EBF3: variants seen among roughly 807,000 people sequenced by gnomAD.
EBF3 encodes EBF transcription factor 3, also known as transcription factor COE3.
EBF3 carries 18 observed loss-of-function variants against 77.1 expected under a neutral mutation model. The observed-to-expected ratio is 0.23, with a 90% CI of 0.16 to 0.35. EBF3 has a LOEUF of 0.35. Ranked by LOEUF, EBF3 falls within the 10% of genes least tolerant of loss-of-function variation. EBF3 has a pLI of 1.00. For missense variants in EBF3, 558 were observed against 860.0 expected (o/e 0.65, Z 4.39); for synonymous variants, 350 against 343.5 (o/e 1.02, Z -0.21).
At position 129,964,119 on chromosome 10, in the gene EBF3, C is replaced by T; in HGVS notation, c.-351G>A. On this transcript the variant is annotated 5_prime_UTR_variant, in exon 1 of 17. Transcript: ENST00000440978. This position sits in a 1 kb window ranked among gnomAD's most constrained non-coding sequence, Gnocchi z 4.5. ...GCGGCTGCAGGACACTGCGGGATCG[C>T]CCGCTTCTGGCGCGGCCCGCCTGCT... 1 of 985,064 alleles carries T rather than the reference C, an allele frequency of 1.0e-6. No individual in the cohort carries two copies. The allele number at this position is 985,064 out of a possible 1,614,324, so 61.0% of individuals were successfully genotyped here.
At chr10:129,954,697 C>A (rs141168534) in intron 6 of EBF3, among the ~76,000 whole-genome samples, 4 of 152,136 alleles carry the variant, frequency 2.6e-5, no homozygotes, top group African/African-American at 7.2e-5. Context: ...GACAAATATG[C>A]CTTATCTGGT....
At chr10:129,936,862 G>A (rs1194797779) in intron 6 of EBF3, among the ~76,000 whole-genome samples, 1 of 152,180 alleles carries the variant, frequency 6.6e-6, no homozygotes, top group Non-Finnish European at 1.5e-5. Flanking sequence ...CCCCCACAGG[G>A]AACCTCAGAC....
At chr10:129,845,276 T>C (rs1258815189) in intron 11 of EBF3, 1 of 152,204 alleles carries the variant, frequency 6.6e-6, no homozygotes, top group Non-Finnish European at 1.5e-5. Flanking sequence ...GTGAATACAT[T>C]AGCACCGAAT....
intron 6 of EBF3, among the ~76,000 whole-genome samples, chr10:129,945,335 A>G (rs906234968): frequency 6.6e-6 from 1 of 152,152 alleles, no homozygotes; most frequent in Non-Finnish European, 1.5e-5. Flanking sequence ...TCCCTCGAAG[A>G]TAACTCGGGA....
intron 6 of EBF3, among the ~76,000 whole-genome samples, chr10:129,892,118 C>T (rs545295237): frequency 6.6e-6 from 1 of 152,362 alleles, no homozygotes; most frequent in South Asian, 2.1e-4. Flanking sequence ...ATGACAGAGT[C>T]AAGTGAACTT....
chr10:129,836,604 A>T lies in EBF3; in HGVS notation c.*1339T>A, dbSNP rs1455643182. 6.9e-6 allele frequency: 1 copy of T among 144,658 alleles called. No homozygotes were observed. The highest frequency in any genetic ancestry group is 1.5e-5 in the Non-Finnish European group (1 of 66,920). The allele number at this position is 144,658 out of a possible 1,614,324, so 9.0% of individuals were successfully genotyped here. ...ATTTGACTTTTCCTCAAAATAAAAA[A>T]AAAAAGGATGGAAAGTCTAAACAAT... On this transcript the variant is annotated 3_prime_UTR_variant, in exon 17 of 17. Transcript: ENST00000440978.
At chr10:129,936,184 C>T (rs1251719611) in intron 6 of EBF3, among the ~76,000 whole-genome samples, 1 of 152,316 alleles carries the variant, frequency 6.6e-6, no homozygotes, top group South Asian at 2.1e-4. Flanking sequence ...TATAAAGTCC[C>T]CTCCCTTCAC....
In EBF3 at chr10:129,840,848, G is replaced by A. The variant is rs147171591; in HGVS notation, c.1557C>T (p.Tyr519=). Residue 519 remains tyrosine (Y), a synonymous_variant, in exon 14 of 17, where the codon TAC becomes TAT. Transcript: ENST00000440978. ...GTGACAAAAACAGACACTTACTGCC[G>A]TAGGGAGAGTTAGCGGAGGAGCCAT... The part of the protein sequence containing the change: ...FLNGSSANSP[Y]GIVPSSPTMA... The A allele has an allele frequency of 4.1e-5, 66 of 1,612,896 alleles. No individual in the cohort carries two copies. The highest frequency in any genetic ancestry group is 3.3e-4 in the Middle Eastern group (2 of 6,076).
At chr10:129,924,396 C>T (rs1589870800) in intron 6 of EBF3, among the ~76,000 whole-genome samples, 1 of 141,988 alleles carries the variant, frequency 7.0e-6, no homozygotes, top group African/African-American at 2.7e-5. Flanking sequence ...GCCTGGGCAA[C>T]AGAGTGAGAC....
intron 4 of EBF3, among the ~76,000 whole-genome samples, chr10:129,959,828 C>A (rs1808335532): frequency 6.6e-6 from 1 of 152,002 alleles, no homozygotes; most frequent in South Asian, 2.1e-4. Flanking sequence ...CCCGAGCCCG[C>A]GCGGCCACGT....
intron 6 of EBF3, among the ~76,000 whole-genome samples, chr10:129,887,640 T>C (rs1208772934): frequency 6.6e-6 from 1 of 152,168 alleles, no homozygotes; most frequent in Non-Finnish European, 1.5e-5. Context: ...GGCAAAGCTT[T>C]GTCAGTCTGT....
chr10:129,867,016 G>T, intron 10 of EBF3, 125 bp downstream of exon 10: 1 of 1,330,858 alleles, frequency 7.5e-7, no homozygotes, highest in Middle Eastern at 2.5e-4. Flanking sequence ...AGGCCAAGGG[G>T]GCTTTGTCTG....
chr10:129,924,521 T>C (rs1856534123), intron 6 of EBF3, among the ~76,000 whole-genome samples: 1 of 150,426 alleles, frequency 6.6e-6, no homozygotes, highest in Non-Finnish European at 1.5e-5. Flanking sequence ...ACTGTGGGTG[T>C]GGATGAGAAA....
Position 129,867,925 on chromosome 10 carries a change from G to A in EBF3, c.782-13C>T. 6.2e-7 allele frequency: 1 copy of A among 1,613,466 alleles called. No individual in the cohort carries two copies. Among genetic ancestry groups the A allele is most frequent in the Non-Finnish European group, 8.5e-7 (1 of 1,179,652 alleles). On this transcript the variant is annotated splice_polypyrimidine_tract_variant and intron_variant, in intron 8 of 16. Coordinates refer to ENST00000440978, the MANE Select transcript of EBF3 (RefSeq NM_001375380.1). The stretch of plus-strand genomic sequence containing the variant: ...ATGCACGGAGTGGCTGCTCACACAA[G>A]ACAGAGAAGGCAGACCTTAGAGCCC...
In EBF3 at chr10:129,863,919, G is replaced by T. The variant is rs186885591; in HGVS notation, c.1039+3222C>A. Among the ~76,000 whole-genome samples the T allele has an allele frequency of 4.6e-5, 7 of 152,198 alleles. No individual in the cohort carries two copies. In the East Asian group the frequency reaches 1.4e-3, roughly 29 times the overall value. On this transcript the variant is annotated intron_variant, in intron 10 of 16. Transcript: ENST00000440978. The surrounding 1 kb of genome is among the most constrained non-coding windows in gnomAD (Gnocchi z 4.0). ...GTTAACCTCCAGCCAGGAAAGGCTG[G>T]GCTGTGGCAAGCATCACCAAACACC...
rs1036049489 is a variant in EBF3, at chr10:129,864,722, G to A, written c.1039+2419C>T. 2.0e-5 allele frequency among the ~76,000 whole-genome samples: 3 copies of A among 152,142 alleles called. No homozygotes were observed. The highest frequency in any genetic ancestry group is 4.8e-5 in the African/African-American group (2 of 41,426). Reference sequence around the variant, plus strand: ...CTTTCATGTCACAAACCAGGACCCCGCAGCAGACACAGGCACCTACACAGG... The same window carrying A: ...CTTTCATGTCACAAACCAGGACCCCACAGCAGACACAGGCACCTACACAGG... On this transcript the variant is annotated intron_variant, in intron 10 of 16. Transcript: ENST00000440978. This position sits in a 1 kb window ranked among gnomAD's most constrained non-coding sequence, Gnocchi z 4.4.
intron 10 of EBF3, among the ~76,000 whole-genome samples, chr10:129,854,372 G>A (rs1407539361): frequency 6.6e-6 from 1 of 152,152 alleles, no homozygotes; most frequent in Non-Finnish European, 1.5e-5. Flanking sequence ...TCAGGCGGCT[G>A]ATGGCTCCTC....
rs1849627248 is a variant in EBF3 at position 129,836,646 on chromosome 10, T to C, written c.*1297A>G. 1 of 148,654 alleles carries C rather than the reference T, an allele frequency of 6.7e-6. No individual in the cohort carries two copies. The highest frequency in any genetic ancestry group is 2.5e-5 in the African/African-American group (1 of 40,314). The allele number at this position is 148,654 out of a possible 1,614,324, so 9.2% of individuals were successfully genotyped here. A position where few individuals can be genotyped will look rare whatever the true frequency, so the allele number is the denominator to read the frequency against. On this transcript the variant is annotated 3_prime_UTR_variant, in exon 17 of 17. Coordinates refer to ENST00000440978, the MANE Select transcript of EBF3 (RefSeq NM_001375380.1). The stretch of plus-strand genomic sequence containing the variant: ...CTAAACAATAGCATATTTTTTGAAG[T>C]ACAAATGAAATGTAAAGACACTGGT...
intron 6 of EBF3, among the ~76,000 whole-genome samples, chr10:129,929,836 T>G (rs912732653): frequency 6.6e-6 from 1 of 152,216 alleles, no homozygotes; most frequent in Non-Finnish European, 1.5e-5. Context: ...TTGTTTTAGG[T>G]GTCAACATGA....
Sources: gnomAD v4.1 joint callset for allele counts (sites outside exome capture counted in the v4.1 genomes callset) on GRCh38, gnomAD v4.1.1 for gene constraint, Gnocchi (gnomAD v3.1) non-coding constraint, MANE v1.5 for transcripts, NCBI Gene and HGNC (gene_info 2026-07-23, HGNC 2026-07-21) for gene names.